Variants in CLCN4 observed in about 807,000 individuals in gnomAD.
CLCN4 encodes the protein Cl-/H+ antiporter 4.
A neutral mutation model predicts 41.7 loss-of-function variants in CLCN4; 1 was observed. The observed-to-expected ratio is 0.02, with a 90% CI of 0.01 to 0.11. CLCN4 has a LOEUF of 0.11. Ranked by LOEUF, CLCN4 falls within the 10% of genes least tolerant of loss-of-function variation. The pLI is 1.00. For synonymous variants in CLCN4, 277 were observed against 285.8 expected (o/e 0.97, Z 0.31); for missense variants, 287 against 661.0 (o/e 0.43, Z 6.20).
Position 10,158,513 on chromosome X carries a change from G to A in CLCN4, c.-50G>A. Reference sequence around the variant, plus strand: ...TGAAGAAAGGATGCTCGAGGATGCTGTCCAGGTGGGCGGCCGCGGGCGCGA... The same window carrying A: ...TGAAGAAAGGATGCTCGAGGATGCTATCCAGGTGGGCGGCCGCGGGCGCGA... On this transcript the variant is annotated 5_prime_UTR_variant, in exon 2 of 13. Coordinates refer to ENST00000380833, the MANE Select transcript of CLCN4 (RefSeq NM_001830.4). 3.4e-6 allele frequency: 1 copy of A among 297,586 alleles called. No individual in the cohort carries two copies. The highest frequency in any genetic ancestry group is 5.9e-6 in the Non-Finnish European group (1 of 169,891). The allele number at this position is 297,586 out of a possible 1,213,427, so 24.5% of individuals were successfully genotyped here.
intron 12 of CLCN4, among the ~76,000 whole-genome samples, chrX:10,231,912 T>C (rs1925135854): frequency 8.9e-6 from 1 of 112,495 alleles, no homozygotes; most frequent in Admixed American, 9.4e-5. Flanking sequence ...AACTATTACA[T>C]TGGGGGTTGC....
chrX:10,228,601 G>A (rs769990377), intron 12 of CLCN4, among the ~76,000 whole-genome samples: 3 of 111,586 alleles, frequency 2.7e-5, no homozygotes, highest in South Asian at 3.8e-4. Flanking sequence ...GCCAGGTAAC[G>A]GGATTCCTGT....
intron 2 of CLCN4, among the ~76,000 whole-genome samples, chrX:10,159,778 A>G (rs1026545753): frequency 1.8e-5 from 2 of 111,238 alleles, no homozygotes; most frequent in Non-Finnish European, 3.8e-5. Flanking sequence ...ACAAATTAAG[A>G]TCCCCGGGTC....
At chrX:10,183,644 A>G (rs1458145566) in intron 2 of CLCN4, among the ~76,000 whole-genome samples, 1 of 112,015 alleles carries the variant, frequency 8.9e-6, no homozygotes, top group Non-Finnish European at 1.9e-5. Context: ...ACTGCAAAGC[A>G]TTTTCTACAG....
chrX:10,224,369 T>C (rs1924937942), intron 12 of CLCN4, among the ~76,000 whole-genome samples: 1 of 106,131 alleles, frequency 9.4e-6, no homozygotes, highest in Non-Finnish European at 1.9e-5. Context: ...ATCATCACTT[T>C]GCAAACACTA....
chrX:10,195,477 T>TA (rs373440130), intron 5 of CLCN4, among the ~76,000 whole-genome samples: 3 of 111,701 alleles, frequency 2.7e-5, no homozygotes, highest in Non-Finnish European at 3.8e-5. Context: ...AGTTATCCTT[T>TA]AAAAAAAACA....
At position 10,235,753 on chromosome X, in the gene CLCN4, T is replaced by A. The variant is rs1394604276; in HGVS notation, c.*2169T>A. 1.8e-5 allele frequency: 2 copies of A among 112,651 alleles called. No homozygotes were observed. The highest frequency in any genetic ancestry group is 7.2e-4 in the South Asian group (2 of 2,762). 9.3% of individuals were successfully genotyped at this position (112,651 alleles called of 1,213,427 possible). A position where few individuals can be genotyped will look rare whatever the true frequency, so the allele number is the denominator to read the frequency against. ...ATGCTGACACAATAAGAAAATTTGT[T>A]TGTGTAATTCATTGACCTCTTCCTT... On this transcript the variant is annotated 3_prime_UTR_variant, in exon 13 of 13. Coordinates refer to ENST00000380833, the MANE Select transcript of CLCN4 (RefSeq NM_001830.4).
intron 10 of CLCN4, among the ~76,000 whole-genome samples, chrX:10,212,860 A>ACACACACACACACACACACACACACAC (rs1924601343): frequency 6.6e-5 from 5 of 76,210 alleles, no homozygotes; most frequent in Admixed American, 6.1e-4. Flanking sequence ...CACACACACA[A>ACACACACACACACACACACACACACAC]ACAGATGCCC....
In CLCN4 at chrX:10,216,918, T is replaced by TATATATATATATATATATATATAC. The variant is rs773265490; in HGVS notation, c.1975+2840_1975+2841insTATATATATATATATATATATACA. On this transcript the variant is annotated intron_variant, in intron 11 of 12. Transcript: ENST00000380833. ...GTGTGTATATATATATATATATATA[T>TATATATATATATATATATATATAC]ACACACACACACATAGAGGGACTTC... Among the ~76,000 whole-genome samples the TATATATATATATATATATATATAC allele has an allele frequency of 1.1e-3, 44 of 38,917 alleles. 1 individual carries two copies. The highest frequency in any genetic ancestry group is 1.7e-3 in the Non-Finnish European group (40 of 23,794). 33.8% of individuals were successfully genotyped at this position (38,917 alleles called of 115,157 possible).
intron 6 of CLCN4, among the ~76,000 whole-genome samples, chrX:10,206,043 G>A (rs1602156114): frequency 9.0e-6 from 1 of 111,324 alleles, no homozygotes; most frequent in Non-Finnish European, 1.9e-5. Context: ...ATAGGTACAT[G>A]TCTCTTCTCA....
intron 2 of CLCN4, among the ~76,000 whole-genome samples, chrX:10,179,138 A>T (rs1346705292): frequency 1.8e-5 from 2 of 112,697 alleles, no homozygotes; most frequent in Non-Finnish European, 3.7e-5. Context: ...CAGTGAAGAT[A>T]GCGCTGAACT....
chrX:10,216,682 C>G (rs1242830977), intron 11 of CLCN4, among the ~76,000 whole-genome samples: 2 of 107,477 alleles, frequency 1.9e-5, no homozygotes, highest in Non-Finnish European at 3.8e-5. Context: ...ACCGCAATTA[C>G]TTTTGCACCA....
chrX:10,159,994 A>G (rs1180279330), intron 2 of CLCN4, among the ~76,000 whole-genome samples: 1 of 110,611 alleles, frequency 9.0e-6, no homozygotes, highest in Non-Finnish European at 1.9e-5. Context: ...CACTACTGGC[A>G]TTTGGGGCCA....
At chrX:10,216,910 T>TATATATATATATATATATATAG (rs1924731600) in intron 11 of CLCN4, among the ~76,000 whole-genome samples, 1 of 20,898 alleles carries the variant, frequency 4.8e-5, no homozygotes, top group Non-Finnish European at 7.3e-5. Context: ...TATATATATA[T>TATATATATATATATATATATAG]ATATATATAC....
Position 10,207,682 on chromosome X carries a change from C to A in CLCN4, c.844-363C>A, listed in dbSNP as rs112226879. Among the ~76,000 whole-genome samples the A allele has an allele frequency of 2.7e-3, 305 of 112,218 alleles. 3 individuals are homozygous for A. Among genetic ancestry groups the A allele is most frequent in the African/African-American group, 9.3e-3 (287 of 30,909 alleles). On this transcript the variant is annotated intron_variant, in intron 8 of 12. Coordinates refer to ENST00000380833, the MANE Select transcript of CLCN4 (RefSeq NM_001830.4). ...GTGCCATACAAATGCATTCACTGGG[C>A]TGCACGTGACTTGCAGCCCAGAGTT...
intron 2 of CLCN4, among the ~76,000 whole-genome samples, chrX:10,184,409 G>C (rs767699761): frequency 9.1e-6 from 1 of 110,338 alleles, no homozygotes; most frequent in African/African-American, 3.3e-5. Context: ...AGCAGTGCCC[G>C]TTCCTTGCTG....
intron 2 of CLCN4, among the ~76,000 whole-genome samples, chrX:10,175,277 C>T (rs1390139702): frequency 1.8e-5 from 2 of 111,498 alleles, no homozygotes; most frequent in African/African-American, 6.5e-5. Flanking sequence ...GAGGGTTGTC[C>T]TGCCTTCTCT....
chrX:10,213,991 C>G lies in CLCN4; in HGVS notation c.1887C>G (p.Thr629=), dbSNP rs747772762. 7 of 1,210,321 alleles carry G rather than the reference C, an allele frequency of 5.8e-6. No individual in the cohort carries two copies. Among genetic ancestry groups the G allele is most frequent in the East Asian group, 3.0e-5 (1 of 33,785 alleles). ...ACGTGGAGACGCTCATCAAGGAGAC[C>G]GACTACAACGGCTTCCCCGTGGTGG... ...VEDVETLIKE[T]DYNGFPVVVS... Residue 629 remains threonine, a synonymous_variant, in exon 11 of 13, where the codon ACC becomes ACG. Coordinates refer to ENST00000380833, the MANE Select transcript of CLCN4 (RefSeq NM_001830.4).
chrX:10,177,725 C>T (rs1473610412), intron 2 of CLCN4, among the ~76,000 whole-genome samples: 1 of 112,345 alleles, frequency 8.9e-6, no homozygotes, highest in Non-Finnish European at 1.9e-5. Flanking sequence ...GGCAGCTCCT[C>T]AGAAGGTTAA....
Sources: gnomAD v4.1 joint callset for allele counts (sites outside exome capture counted in the v4.1 genomes callset) on GRCh38, gnomAD v4.1.1 for gene constraint, MANE v1.5 for transcripts, NCBI Gene and HGNC (gene_info 2026-07-23, HGNC 2026-07-21) for gene names.